ANK2: variants seen among roughly 807,000 people sequenced by gnomAD.
ANK2 encodes the protein ankyrin-2.
In ANK2, 83 loss-of-function variants were observed where a neutral mutation model predicts 360.5. That is an observed-to-expected ratio of 0.23 (90% CI 0.19 to 0.28). ANK2 has a LOEUF of 0.28. Ranked by LOEUF, ANK2 falls within the 10% of genes least tolerant of loss-of-function variation. ANK2 has a pLI of 1.00. For missense variants in ANK2, 4,201 were observed against 4,795.7 expected (o/e 0.88, Z 3.66); for synonymous variants, 1,740 against 1,759.5 (o/e 0.99, Z 0.28).
chr4:112,998,425 C>T (rs1302972761), intron 2 of ANK2, among the ~76,000 whole-genome samples: 3 of 152,140 alleles, frequency 2.0e-5, no homozygotes, highest in African/African-American at 7.2e-5. Flanking sequence ...ATACTAGCAT[C>T]CATCATAATG....
the ANK2 span, among the ~76,000 whole-genome samples, chr4:112,796,148 A>G: frequency 0.092 from 14,040 of 151,996 alleles, 900 homozygotes; most frequent in African/African-American, 0.18. Context: ...ATCGTGGTTG[A>G]GTGTGGTGGC....
intron 7 of ANK2, among the ~76,000 whole-genome samples, chr4:113,238,397 A>G (rs1007888313): frequency 1.3e-5 from 2 of 152,258 alleles, no homozygotes; most frequent in African/African-American, 4.8e-5. Flanking sequence ...TCTTTAGACT[A>G]TCATCTCGCT....
chr4:113,318,650 C>G, intron 26 of ANK2, 30 bp downstream of exon 26: 2 of 1,549,170 alleles, frequency 1.3e-6, no homozygotes, highest in Non-Finnish European at 1.8e-6. Flanking sequence ...GTATCCTGAT[C>G]AAGAGGTAAA....
intron 4 of ANK2, among the ~76,000 whole-genome samples, chr4:113,200,068 A>T (rs1446581542): frequency 1.3e-5 from 2 of 152,180 alleles, no homozygotes; most frequent in Non-Finnish European, 2.9e-5. Flanking sequence ...AATCTGTTGA[A>T]ATTATGATAG....
the ANK2 span, among the ~76,000 whole-genome samples, chr4:112,726,991 T>A: frequency 6.6e-6 from 1 of 152,016 alleles, no homozygotes; most frequent in African/African-American, 2.4e-5. Context: ...TTTATAAATA[T>A]GTATCCATAG....
chr4:112,709,137 C>A, the ANK2 span, among the ~76,000 whole-genome samples: 1 of 151,976 alleles, frequency 6.6e-6, no homozygotes, highest in Non-Finnish European at 1.5e-5. Context: ...AGGTATTTCC[C>A]TTTTTTTCTT....
intron 13 of ANK2, among the ~76,000 whole-genome samples, chr4:113,261,440 G>C (rs537658175): frequency 2.8e-4 from 42 of 152,132 alleles, no homozygotes; most frequent in African/African-American, 9.6e-4. Flanking sequence ...AAATTTCCCC[G>C]AATCCTTAAA....
intron 1 of ANK2, among the ~76,000 whole-genome samples, chr4:113,085,451 G>A (rs760341663): frequency 1.8e-4 from 28 of 151,962 alleles, no homozygotes; most frequent in South Asian, 4.2e-4. Flanking sequence ...GACTACAGGC[G>A]TGTGCCACCA....
intron 1 of ANK2, among the ~76,000 whole-genome samples, chr4:113,079,396 C>A (rs1322900520): frequency 6.6e-6 from 1 of 152,142 alleles, no homozygotes; most frequent in Admixed American, 6.5e-5. Context: ...TTGAGGTTGT[C>A]CCCGTAGGTA....
chr4:112,822,400 A>C (rs4834306), intron 1 of ANK2, among the ~76,000 whole-genome samples: 66,738 of 145,418 alleles, frequency 0.46, 16,293 homozygotes, highest in East Asian at 0.89. Context: ...CCTGGGCGAC[A>C]GAGCGAGATT....
In ANK2 at chr4:113,381,717, T is replaced by C. The variant is rs900485314; in HGVS notation, c.*246T>C. ...TTCCTGTTTCAGTAGGGGAGTGACC[T>C]AACTGGCCTAATTAATGGGATACCC... On this transcript the variant is annotated 3_prime_UTR_variant, in exon 46 of 46. Coordinates refer to ENST00000357077, the MANE Select transcript of ANK2 (RefSeq NM_001148.6). 12 of 1,449,420 alleles carry C rather than the reference T, an allele frequency of 8.3e-6. 1 individual carries two copies. The South Asian group carries it at 1.5e-4, about 18-fold the overall frequency. 89.8% of individuals were successfully genotyped at this position (1,449,420 alleles called of 1,614,324 possible). A position where few individuals can be genotyped will look rare whatever the true frequency, so the allele number is the denominator to read the frequency against.
Position 113,335,900 on chromosome 4 carries a change from G to A in ANK2, c.3434G>A (p.Arg1145Gln), listed in dbSNP as rs2093465785. ...AAACGAATCTGCCGCATCATCACCC[G>A]AGACTTCCCACAGTACTTTGCAGTG... Reference protein sequence around the residue: ...EKKRICRIITRDFPQYFAVVS... With the variant: ...EKKRICRIITQDFPQYFAVVS... The change falls in exon 30 of 46, where the codon CGA becomes CAA. Residue 1145 changes from arginine (R) to glutamine (Q), a missense_variant. Around this residue, in one of 4 missense-constraint regions of ANK2, gnomAD observed 1,268 missense variants for 1,650.8 expected, o/e 0.77. Transcript: ENST00000357077. The A allele has an allele frequency of 1.5e-5, 24 of 1,614,134 alleles. No individual in the cohort carries two copies. Among genetic ancestry groups the A allele is most frequent in the Middle Eastern group, 1.6e-4 (1 of 6,062 alleles).
chr4:113,174,621 A>T, intron 2 of ANK2, 104 bp downstream of exon 2: 3 of 945,652 alleles, frequency 3.2e-6, no homozygotes, highest in Non-Finnish European at 3.2e-6. Context: ...CTAAAATATC[A>T]GTGACTCAGA....
rs748202207 is a variant in ANK2, at chr4:113,348,256, T to C, written c.4372-20T>C. ...CCTTCTCTCTTTTTTCCATCTTGCA[T>C]GGCATCTTGGGGCGGAAAGGAATCA... On this transcript the variant is annotated intron_variant, in intron 35 of 45. Transcript: ENST00000357077. 1.9e-5 allele frequency: 31 copies of C among 1,612,770 alleles called. 1 individual carries two copies. Among genetic ancestry groups the C allele is most frequent in the African/African-American group, 2.7e-5 (2 of 74,866 alleles).
intron 34 of ANK2, 58 bp downstream of exon 34, chr4:113,343,200 C>T (rs2153984082): frequency 6.3e-7 from 1 of 1,582,344 alleles, no homozygotes; most frequent in South Asian, 1.1e-5. Context: ...CAGAATTTGA[C>T]TTCCTTTAGT....
chr4:113,166,824 T>C (rs1273749163), intron 1 of ANK2, among the ~76,000 whole-genome samples: 1 of 152,176 alleles, frequency 6.6e-6, no homozygotes, highest in African/African-American at 2.4e-5. Flanking sequence ...CTTGAATTTG[T>C]AGTAAACATG....
chr4:113,325,077 A>G (rs902749642), intron 26 of ANK2, among the ~76,000 whole-genome samples: 1 of 152,182 alleles, frequency 6.6e-6, no homozygotes, highest in African/African-American at 2.4e-5. Flanking sequence ...GTATCTCACA[A>G]TTTAGAAAAC....
chr4:113,038,275 G>C (rs2062047368), intron 2 of ANK2, among the ~76,000 whole-genome samples: 1 of 151,896 alleles, frequency 6.6e-6, no homozygotes, highest in African/African-American at 2.4e-5. Flanking sequence ...CAGAAAGCAG[G>C]ATACGTGAAA....
chr4:112,919,692 T>C (rs931626486), intron 2 of ANK2, among the ~76,000 whole-genome samples: 2 of 152,162 alleles, frequency 1.3e-5, no homozygotes, highest in Non-Finnish European at 2.9e-5. Flanking sequence ...ACTCCTGTCA[T>C]AGAAAATAAT....
Sources: allele counts gnomAD v4.1 joint callset (sites outside exome capture counted in the v4.1 genomes callset), GRCh38; gene constraint gnomAD v4.1.1; regional missense constraint gnomAD v4.1.1; transcripts MANE v1.5; gene names NCBI Gene and HGNC (gene_info 2026-07-23, HGNC 2026-07-21).